CACNA1B: variants seen among roughly 807,000 people sequenced by gnomAD.
CACNA1B encodes the protein calcium voltage-gated channel subunit alpha1 B, also known as voltage-dependent N-type calcium channel subunit alpha-1B.
CACNA1B carries 70 observed loss-of-function variants against 247.2 expected under a neutral mutation model. That is an observed-to-expected ratio of 0.28 (90% CI 0.23 to 0.35). CACNA1B has a LOEUF of 0.35. Ranked by LOEUF, CACNA1B falls within the 10% of genes least tolerant of loss-of-function variation. The pLI is 1.00. For synonymous variants in CACNA1B, 1,231 were observed against 1,294.4 expected (o/e 0.95, Z 1.05); for missense variants, 2,367 against 3,197.4 (o/e 0.74, Z 6.26).
At chr9:137,933,896 A>C (rs1471384837) in intron 6 of CACNA1B, among the ~76,000 whole-genome samples, 5 of 152,206 alleles carry the variant, frequency 3.3e-5, no homozygotes, top group African/African-American at 7.2e-5. Context: ...TATGGAACAA[A>C]AAAAAAATTA....
chr9:138,001,917 T>C (rs1033224310), intron 15 of CACNA1B, among the ~76,000 whole-genome samples: 2 of 152,226 alleles, frequency 1.3e-5, no homozygotes, highest in African/African-American at 4.8e-5. Flanking sequence ...GAGCTGTATG[T>C]GTGCAGAGAG....
chr9:137,947,996 T>TC (rs1355589649), intron 6 of CACNA1B, among the ~76,000 whole-genome samples: 1 of 147,754 alleles, frequency 6.8e-6, no homozygotes, highest in East Asian at 2.0e-4. Flanking sequence ...TTTTTTTTTT[T>TC]TTGAGATGGA....
At chr9:137,895,832 C>T (rs1957165801) in intron 3 of CACNA1B, among the ~76,000 whole-genome samples, 1 of 152,116 alleles carries the variant, frequency 6.6e-6, no homozygotes, top group African/African-American at 2.4e-5. Flanking sequence ...CTTTTCTTAC[C>T]TTATTGCATT....
chr9:137,934,860 G>C (rs1218796670), intron 6 of CACNA1B, among the ~76,000 whole-genome samples: 1 of 152,120 alleles, frequency 6.6e-6, no homozygotes, highest in African/African-American at 2.4e-5. Flanking sequence ...CCCTCTGACA[G>C]AGCCTACCAA....
rs1957382190 is a variant in CACNA1B at position 137,913,713 on chromosome 9, A to G, written c.622+442A>G. On this transcript the variant is annotated intron_variant, in intron 4 of 46. Coordinates refer to ENST00000371372, the MANE Select transcript of CACNA1B (RefSeq NM_000718.4). The surrounding 1 kb of genome is among the most constrained non-coding windows in gnomAD (Gnocchi z 5.2). Reference sequence around the variant, plus strand: ...GGCCAGCCTTAAGACATGCTCCTGAAGTGGGCTGCCCACAGAGCCTGCCAT... The same window carrying G: ...GGCCAGCCTTAAGACATGCTCCTGAGGTGGGCTGCCCACAGAGCCTGCCAT... 6.6e-6 allele frequency among the ~76,000 whole-genome samples: 1 copy of G among 152,162 alleles called. No homozygotes were observed. The highest frequency in any genetic ancestry group is 6.6e-5 in the Admixed American group (1 of 15,266).
Position 138,102,832 on chromosome 9 carries a change from C to G in CACNA1B, c.5319+25C>G. 6.8e-7 allele frequency: 1 copy of G among 1,469,236 alleles called. No homozygotes were observed. Among genetic ancestry groups the G allele is most frequent in the South Asian group, 1.2e-5 (1 of 85,724 alleles). The allele number at this position is 1,469,236 out of a possible 1,614,324, so 91.0% of individuals were successfully genotyped here. On this transcript the variant is annotated intron_variant, in intron 38 of 46. Transcript: ENST00000371372. The surrounding 1 kb of genome is among the most constrained non-coding windows in gnomAD (Gnocchi z 5.4). Reference sequence around the variant, plus strand: ...GGTAGACCCTGACCCTGCAACCCGCCCCCCAGGAGGCTGTGTGTGCTTGCT... The same window carrying G: ...GGTAGACCCTGACCCTGCAACCCGCGCCCCAGGAGGCTGTGTGTGCTTGCT...
chr9:137,904,303 T>C lies in CACNA1B; in HGVS notation c.531-8877T>C, dbSNP rs1386679472. On this transcript the variant is annotated intron_variant, in intron 3 of 46. Coordinates refer to ENST00000371372, the MANE Select transcript of CACNA1B (RefSeq NM_000718.4). ...CTTTCTGGGAAAGAATTAGCATTTCTTTCTTTCAAAATATGTATATATATT... is the reference window on the plus strand; with the variant it reads ...CTTTCTGGGAAAGAATTAGCATTTCCTTCTTTCAAAATATGTATATATATT... 3.3e-5 allele frequency among the ~76,000 whole-genome samples: 5 copies of C among 151,984 alleles called. No homozygotes were observed. In the East Asian group the frequency reaches 9.7e-4, roughly 29 times the overall value.
intron 6 of CACNA1B, among the ~76,000 whole-genome samples, chr9:137,918,447 A>C (rs1957442255): frequency 1.3e-5 from 2 of 152,008 alleles, no homozygotes; most frequent in Admixed American, 1.3e-4. Flanking sequence ...GTGGGTCAGG[A>C]ATCTGGGAGG....
chr9:137,959,716 T>TGTC (rs1192315042), intron 10 of CACNA1B, among the ~76,000 whole-genome samples: 1 of 152,184 alleles, frequency 6.6e-6, no homozygotes, highest in Non-Finnish European at 1.5e-5. Context: ...ACCTCGCCTG[T>TGTC]GTCGAGTGCT....
chr9:138,121,394 A>C lies in CACNA1B; in HGVS notation c.6490-75A>C. On this transcript the variant is annotated intron_variant, in intron 46 of 46. Coordinates refer to ENST00000371372, the MANE Select transcript of CACNA1B (RefSeq NM_000718.4). The surrounding 1 kb of genome is among the most constrained non-coding windows in gnomAD (Gnocchi z 6.8). ...CCATCCCCCCAGGCACCTGTGTGTG[A>C]TGTGCTCTGTCTGTTGGTTCGGCTT... 1.7e-6 allele frequency: 2 copies of C among 1,166,918 alleles called. No homozygotes were observed. The highest frequency in any genetic ancestry group is 2.7e-5 in the Admixed American group (1 of 36,398). 72.3% of individuals were successfully genotyped at this position (1,166,918 alleles called of 1,614,324 possible).
At position 138,050,888 on chromosome 9, in the gene CACNA1B, C is replaced by T. The variant is rs1428653787; in HGVS notation, c.3711-1204C>T. ...TGATCTGATTCTGGAGTGTAGCCTACAGTCAGGGGAGAAGAAGGGGACCAG... is the reference window on the plus strand; with the variant it reads ...TGATCTGATTCTGGAGTGTAGCCTATAGTCAGGGGAGAAGAAGGGGACCAG... On this transcript the variant is annotated intron_variant, in intron 24 of 46. Transcript: ENST00000371372. The surrounding 1 kb of genome is among the most constrained non-coding windows in gnomAD (Gnocchi z 5.2). 6.6e-6 allele frequency among the ~76,000 whole-genome samples: 1 copy of T among 152,154 alleles called. No individual in the cohort carries two copies. The highest frequency in any genetic ancestry group is 1.5e-5 in the Non-Finnish European group (1 of 68,012).
intron 45 of CACNA1B, 39 bp downstream of exon 45, chr9:138,120,411 A>G (rs1186766847): frequency 7.3e-6 from 11 of 1,512,122 alleles, no homozygotes; most frequent in Non-Finnish European, 8.9e-6. Context: ...TCGGGGAGCT[A>G]TGGCCCGAGT....
chr9:137,957,413 C>T lies in CACNA1B; in HGVS notation c.1244-185C>T, dbSNP rs772156931. Among the ~76,000 whole-genome samples the T allele has an allele frequency of 1.3e-5, 2 of 152,224 alleles. No individual in the cohort carries two copies. Among genetic ancestry groups the T allele is most frequent in the African/African-American group, 2.4e-5 (1 of 41,468 alleles). On this transcript the variant is annotated intron_variant, in intron 9 of 46. Transcript: ENST00000371372. This position sits in a 1 kb window ranked among gnomAD's most constrained non-coding sequence, Gnocchi z 4.7. ...CCCCTCACCCTCAAAATTCCTTGTC[C>T]CTTCAGCTCTGGGGACTGGGAGGGA... is the stretch of plus-strand genomic sequence containing the variant.
rs1009596940 is a variant in CACNA1B at position 138,100,190 on chromosome 9, G to C, written c.5223-2521G>C. On this transcript the variant is annotated intron_variant, in intron 37 of 46. Transcript: ENST00000371372. The surrounding 1 kb of genome is among the most constrained non-coding windows in gnomAD (Gnocchi z 4.6). Reference sequence around the variant, plus strand: ...AGCTGGGGATGGGAGGTGGGGCAGAGGGAAGAGGGAGGCCAGGTGGCTTCT... The same window carrying C: ...AGCTGGGGATGGGAGGTGGGGCAGACGGAAGAGGGAGGCCAGGTGGCTTCT... Among the ~76,000 whole-genome samples, 12 of 152,196 alleles carry C rather than the reference G, an allele frequency of 7.9e-5. No individual in the cohort carries two copies. Among genetic ancestry groups the C allele is most frequent in the African/African-American group, 2.9e-4 (12 of 41,456 alleles).
intron 39 of CACNA1B, 127 bp from the exon 40 acceptor site, chr9:138,112,271 C>T (rs1040842565): frequency 5.9e-6 from 4 of 673,368 alleles, no homozygotes; most frequent in South Asian, 1.7e-5. Context: ...CTTCCAGCAC[C>T]GTCTGTACCC....
At chr9:138,107,711 G>T (rs1025738683) in intron 39 of CACNA1B, among the ~76,000 whole-genome samples, 1 of 152,084 alleles carries the variant, frequency 6.6e-6, no homozygotes, top group East Asian at 1.9e-4. Context: ...ATGGCCGGGC[G>T]CAGTGGCTCA....
chr9:137,991,952 A>G (rs565002085), intron 15 of CACNA1B, among the ~76,000 whole-genome samples: 1 of 152,340 alleles, frequency 6.6e-6, no homozygotes, highest in East Asian at 1.9e-4. Context: ...CTAAGTCTTG[A>G]AAAAAATCTT....
At chr9:138,117,286 G>T (rs1036109208) in intron 42 of CACNA1B, among the ~76,000 whole-genome samples, 1 of 43,702 alleles carries the variant, frequency 2.3e-5, no homozygotes, top group Non-Finnish European at 5.9e-5. Flanking sequence ...TTGTGGCTTG[G>T]GGGGGGGGTC....
intron 31 of CACNA1B, among the ~76,000 whole-genome samples, chr9:138,060,144 T>C (rs1396714993): frequency 2.0e-4 from 31 of 152,304 alleles, no homozygotes; most frequent in Non-Finnish European, 1.8e-4. Flanking sequence ...TCTCTATATA[T>C]ATCTGGAAAT....
Sources: gnomAD v4.1 joint callset for allele counts (sites outside exome capture counted in the v4.1 genomes callset) on GRCh38, gnomAD v4.1.1 for gene constraint, Gnocchi (gnomAD v3.1) non-coding constraint, MANE v1.5 for transcripts, NCBI Gene and HGNC (gene_info 2026-07-23, HGNC 2026-07-21) for gene names.